Variants in PTPRT observed in about 807,000 individuals in gnomAD.
PTPRT encodes protein tyrosine phosphatase receptor type T.
PTPRT carries 56 observed loss-of-function variants against 176.8 expected under a neutral mutation model. The observed-to-expected ratio is 0.32, with a 90% CI of 0.26 to 0.40. The LOEUF is 0.40. Among genes scored for constraint, PTPRT ranks in the 10% least tolerant of loss-of-function variants. The pLI is 1.00. For missense variants in PTPRT, 1,540 were observed against 1,908.2 expected, an observed-to-expected ratio of 0.81 and a Z score of 3.60; for synonymous variants, 783 against 739.0, an observed-to-expected ratio of 1.06 and a Z score of -0.96.
intron 1 of PTPRT, among the ~76,000 whole-genome samples, chr20:43,094,982 G>A (rs191465034): frequency 2.0e-5 from 3 of 152,290 alleles, no homozygotes; most frequent in East Asian, 1.9e-4. Context: ...CAGGTGTTCA[G>A]GGGGAAAGGC....
chr20:42,066,351 C>T, the PTPRT span, among the ~76,000 whole-genome samples: 1 of 152,180 alleles, frequency 6.6e-6, no homozygotes, highest in African/African-American at 2.4e-5. Context: ...TGGTATATTA[C>T]TTTTTAAAAG....
At chr20:42,151,304 T>C (rs2146458715) in intron 17 of PTPRT, among the ~76,000 whole-genome samples, 1 of 152,146 alleles carries the variant, frequency 6.6e-6, no homozygotes, top group Non-Finnish European at 1.5e-5. Context: ...CCTCCCTTTG[T>C]CCCCACCCCC....
At chr20:42,462,838 T>C (rs533309944) in intron 8 of PTPRT, among the ~76,000 whole-genome samples, 1 of 152,278 alleles carries the variant, frequency 6.6e-6, no homozygotes, top group East Asian at 1.9e-4. Context: ...ACACAGACTT[T>C]CATGTGCTAC....
intron 1 of PTPRT, among the ~76,000 whole-genome samples, chr20:43,170,966 G>A (rs2014983149): frequency 1.3e-5 from 2 of 152,154 alleles, no homozygotes; most frequent in Non-Finnish European, 2.9e-5. Context: ...AACATAGCTG[G>A]GTGGAAACCA....
intron 13 of PTPRT, among the ~76,000 whole-genome samples, chr20:42,258,753 G>A (rs1271613083): frequency 6.6e-6 from 1 of 152,022 alleles, no homozygotes; most frequent in Non-Finnish European, 1.5e-5. Flanking sequence ...TAAATAAATT[G>A]CCTCAATTCA....
chr20:42,174,555 A>G (rs1337721369), intron 16 of PTPRT, among the ~76,000 whole-genome samples: 1 of 152,222 alleles, frequency 6.6e-6, no homozygotes, highest in East Asian at 1.9e-4. Flanking sequence ...GGGCAGGTGA[A>G]CTTATCCTCA....
chr20:42,561,032 G>A (rs1194111278), intron 7 of PTPRT, among the ~76,000 whole-genome samples: 9 of 152,160 alleles, frequency 5.9e-5, no homozygotes, highest in Non-Finnish European at 1.2e-4. Flanking sequence ...TGGCACCAGC[G>A]CCCTGTGGTT....
chr20:43,090,330 C>T (rs547216201), intron 1 of PTPRT, among the ~76,000 whole-genome samples: 12 of 149,842 alleles, frequency 8.0e-5, no homozygotes, highest in Admixed American at 2.6e-4. Context: ...TGCAGTGGCG[C>T]CATCTCAGCT....
chr20:42,442,657 C>T (rs944512507), intron 9 of PTPRT, among the ~76,000 whole-genome samples: 1 of 152,316 alleles, frequency 6.6e-6, no homozygotes, highest in South Asian at 2.1e-4. Context: ...TTTCACACTT[C>T]GTTAACCCAG....
At chr20:43,181,778 G>A (rs1191109192) in intron 1 of PTPRT, among the ~76,000 whole-genome samples, 1 of 151,898 alleles carries the variant, frequency 6.6e-6, no homozygotes, top group Non-Finnish European at 1.5e-5. Flanking sequence ...AAGGGACTAG[G>A]GCTCTTTAAA....
At chr20:42,688,796 A>G (rs1325895854) in intron 6 of PTPRT, among the ~76,000 whole-genome samples, 3 of 152,164 alleles carry the variant, frequency 2.0e-5, no homozygotes, top group Non-Finnish European at 4.4e-5. Flanking sequence ...ACAGTGAGGC[A>G]GGTACATGAA....
chr20:42,745,992 C>T (rs904573490), intron 6 of PTPRT, among the ~76,000 whole-genome samples: 1 of 152,190 alleles, frequency 6.6e-6, no homozygotes, highest in Non-Finnish European at 1.5e-5. Context: ...TTGTTCCATA[C>T]CTCAGATCAT....
At chr20:42,645,002 G>T (rs989163452) in intron 7 of PTPRT, among the ~76,000 whole-genome samples, 1 of 152,172 alleles carries the variant, frequency 6.6e-6, no homozygotes, top group Non-Finnish European at 1.5e-5. Context: ...CAAGGCTCAT[G>T]AAGTGGTTTC....
chr20:42,300,394 A>G (rs1243245860), intron 12 of PTPRT, among the ~76,000 whole-genome samples: 1 of 152,134 alleles, frequency 6.6e-6, no homozygotes, highest in African/African-American at 2.4e-5. Flanking sequence ...AGTTTCTATA[A>G]TAAGTACCAT....
chr20:42,343,274 A>G (rs2058138899), intron 11 of PTPRT, among the ~76,000 whole-genome samples: 1 of 152,146 alleles, frequency 6.6e-6, no homozygotes, highest in Non-Finnish European at 1.5e-5. Context: ...AAATGTCCTC[A>G]TAGACTCTTC....
At chr20:42,347,024 C>A (rs771126891) in intron 11 of PTPRT, among the ~76,000 whole-genome samples, 41 of 152,294 alleles carry the variant, frequency 2.7e-4, no homozygotes, top group Non-Finnish European at 4.9e-4. Flanking sequence ...GAACTCAGAA[C>A]TTCCCAGGGG....
chr20:42,349,651 G>A (rs1489183542), intron 11 of PTPRT, among the ~76,000 whole-genome samples: 6 of 152,258 alleles, frequency 3.9e-5, no homozygotes, highest in Admixed American at 1.3e-4. Context: ...CTTGGGCCCC[G>A]CCTCATTCCT....
intron 4 of PTPRT, among the ~76,000 whole-genome samples, chr20:42,779,851 T>TG (rs1569152069): frequency 4.4e-5 from 2 of 45,214 alleles, no homozygotes; most frequent in African/African-American, 8.6e-5. Flanking sequence ...GGTGGTGTGT[T>TG]TTTTTTTTTT....
At chr20:43,032,085 CA>C (rs1986161137) in intron 1 of PTPRT, among the ~76,000 whole-genome samples, 1 of 152,148 alleles carries the variant, frequency 6.6e-6, no homozygotes, top group African/African-American at 2.4e-5. Flanking sequence ...TCACCCATAC[CA>C]CCCCATTATC....
Sources: allele counts gnomAD v4.1 joint callset (sites outside exome capture counted in the v4.1 genomes callset), GRCh38; gene constraint gnomAD v4.1.1; transcripts MANE v1.5; gene names NCBI Gene and HGNC (gene_info 2026-07-23, HGNC 2026-07-21).